IL1RAPL1: variants seen among roughly 807,000 people sequenced by gnomAD.
The protein encoded by IL1RAPL1 is interleukin-1 receptor accessory protein-like 1.
A neutral mutation model predicts 48.4 loss-of-function variants in IL1RAPL1; 3 were observed. The ratio of observed to expected loss-of-function variants is 0.06; its 90% confidence interval spans 0.03 to 0.16. The LOEUF is 0.16. IL1RAPL1 is among the 10% of genes least tolerant of loss of function. The pLI, the probability that IL1RAPL1 is intolerant of heterozygous loss-of-function variation, is 1.00. For missense variants in IL1RAPL1, 349 were observed against 530.6 expected (o/e 0.66, Z 3.36); for synonymous variants, 185 against 187.7 (o/e 0.99, Z 0.12).
rs766927273 is a variant in IL1RAPL1 at position 29,185,022 on chromosome X, A to G, written c.83-97916A>G. ...AAGCCATGATGATTTCTGTTATTCC[A>G]TAGAAGTCTAATAAAGCATTCACAG... is the stretch of plus-strand genomic sequence containing the variant. On this transcript the variant is annotated intron_variant, in intron 2 of 10. Coordinates refer to ENST00000378993, the MANE Select transcript of IL1RAPL1 (RefSeq NM_014271.4). Among the ~76,000 whole-genome samples the G allele has an allele frequency of 3.6e-5, 4 of 112,481 alleles. No individual in the cohort carries two copies. In the South Asian group the frequency reaches 1.5e-3, roughly 41 times the overall value.
At chrX:29,453,679 C>A (rs1020643435) in intron 5 of IL1RAPL1, among the ~76,000 whole-genome samples, 1 of 111,426 alleles carries the variant, frequency 9.0e-6, no homozygotes, top group Non-Finnish European at 1.9e-5. Flanking sequence ...GCCCTACCTT[C>A]GGAGACTCTT....
chrX:29,732,719 T>G (rs1927952027), intron 6 of IL1RAPL1, among the ~76,000 whole-genome samples: 1 of 112,039 alleles, frequency 8.9e-6, no homozygotes, highest in Non-Finnish European at 1.9e-5. Context: ...ATGAATACTT[T>G]TTGGAGAATG....
intron 2 of IL1RAPL1, among the ~76,000 whole-genome samples, chrX:29,037,660 G>A (rs1926759609): frequency 9.0e-6 from 1 of 111,508 alleles, no homozygotes; most frequent in South Asian, 3.8e-4. Flanking sequence ...TGACCCACAA[G>A]GAGGAGGAGT....
intron 2 of IL1RAPL1, among the ~76,000 whole-genome samples, chrX:29,080,940 C>CTTTCTTTCTTTCT (rs1569232644): frequency 9.2e-5 from 3 of 32,529 alleles, no homozygotes; most frequent in East Asian, 1.3e-3. Flanking sequence ...TTCTTTCTTT[C>CTTTCTTTCTTTCT]TTTCTTTCTT....
At chrX:28,821,070 T>TA (rs1936933002) in intron 2 of IL1RAPL1, among the ~76,000 whole-genome samples, 1 of 111,490 alleles carries the variant, frequency 9.0e-6, no homozygotes, top group Middle Eastern at 4.6e-3. Flanking sequence ...AGGTGTTTGG[T>TA]AAAAAATATT....
chrX:28,762,823 C>CACACACACACACAG (rs1268556014), intron 1 of IL1RAPL1, among the ~76,000 whole-genome samples: 48 of 36,768 alleles, frequency 1.3e-3, no homozygotes, highest in Non-Finnish European at 1.6e-3. Flanking sequence ...CACACACACA[C>CACACACACACACAG]AGAGAGAGAG....
In IL1RAPL1 at chrX:29,711,067, T is replaced by TACACACACACACAC. The variant is rs778770426; in HGVS notation, c.778+42564_778+42565insCACACACACACACA. On this transcript the variant is annotated intron_variant, in intron 6 of 10. Transcript: ENST00000378993. Reference sequence around the variant, plus strand: ...TGGTGTGTGTGTGTGTGTGTGTGTGTATACACACACACACACACACACAGA... The same window carrying TACACACACACACAC: ...TGGTGTGTGTGTGTGTGTGTGTGTGTACACACACACACACATACACACACACACACACACACAGA... Among the ~76,000 whole-genome samples, 6 of 8,908 alleles carry TACACACACACACAC rather than the reference T, an allele frequency of 6.7e-4. No homozygotes were observed. In the East Asian group the frequency reaches 0.03, roughly 44 times the overall value. The allele number at this position is 8,908 out of a possible 115,157, so 7.7% of individuals were successfully genotyped here. A position where few individuals can be genotyped will look rare whatever the true frequency, so the allele number is the denominator to read the frequency against.
chrX:29,277,102 T>TG (rs1932131674), intron 2 of IL1RAPL1, among the ~76,000 whole-genome samples: 1 of 112,382 alleles, frequency 8.9e-6, no homozygotes, highest in Non-Finnish European at 1.9e-5. Context: ...AAGTCAAAGA[T>TG]GGACCATATG....
intron 5 of IL1RAPL1, among the ~76,000 whole-genome samples, chrX:29,607,399 T>A (rs1923928483): frequency 1.8e-5 from 2 of 112,122 alleles, no homozygotes; most frequent in Non-Finnish European, 3.8e-5. Flanking sequence ...TATCTTGAAA[T>A]GAATATGTTC....
chrX:28,869,068 T>C (rs1005043008), intron 2 of IL1RAPL1, among the ~76,000 whole-genome samples: 4 of 112,931 alleles, frequency 3.5e-5, no homozygotes, highest in Non-Finnish European at 7.5e-5. Flanking sequence ...AATTTATGCA[T>C]GCTGCATTTA....
chrX:28,630,823 C>T (rs1057363774), intron 1 of IL1RAPL1, among the ~76,000 whole-genome samples: 13 of 111,853 alleles, frequency 1.2e-4, no homozygotes, highest in African/African-American at 4.2e-4. Flanking sequence ...ATGGGTGCCT[C>T]TATGAATTAA....
At position 28,922,622 on chromosome X, in the gene IL1RAPL1, G is replaced by C. The variant is rs759081245; in HGVS notation, c.82+133197G>C. ...AATAAGTAGTTTGGCTAGAAATTGA[G>C]TGTTTCAAGCCATCTTGGCCCTTTG... is the stretch of plus-strand genomic sequence containing the variant. On this transcript the variant is annotated intron_variant, in intron 2 of 10. Coordinates refer to ENST00000378993, the MANE Select transcript of IL1RAPL1 (RefSeq NM_014271.4). Among the ~76,000 whole-genome samples the C allele has an allele frequency of 4.5e-5, 5 of 112,027 alleles. No homozygotes were observed. The East Asian group carries it at 1.4e-3, about 31-fold the overall frequency.
chrX:28,713,755 A>G (rs753320245), intron 1 of IL1RAPL1, among the ~76,000 whole-genome samples: 1 of 112,020 alleles, frequency 8.9e-6, no homozygotes, highest in East Asian at 2.8e-4. Context: ...GACAATTGAC[A>G]TATAAAAGAA....
chrX:29,692,920 T>C (rs1926810733), intron 6 of IL1RAPL1, among the ~76,000 whole-genome samples: 1 of 112,077 alleles, frequency 8.9e-6, no homozygotes, highest in African/African-American at 3.2e-5. Context: ...TTTAGGTCTT[T>C]TGTTTTGCAC....
intron 2 of IL1RAPL1, among the ~76,000 whole-genome samples, chrX:28,941,196 G>C (rs1924155638): frequency 9.0e-6 from 1 of 110,877 alleles, no homozygotes; most frequent in African/African-American, 3.3e-5. Context: ...AAAGCAAAAG[G>C]ATTTATTTTT....
chrX:29,493,936 C>T (rs1935185838), intron 5 of IL1RAPL1, among the ~76,000 whole-genome samples: 1 of 111,341 alleles, frequency 9.0e-6, no homozygotes, highest in African/African-American at 3.3e-5. Context: ...GCTCTGTTGC[C>T]CAGGCTGGAG....
chrX:29,293,526 T>G (rs1409772436), intron 3 of IL1RAPL1, among the ~76,000 whole-genome samples: 1 of 111,701 alleles, frequency 9.0e-6, no homozygotes, highest in Non-Finnish European at 1.9e-5. Flanking sequence ...ATTTGTAAAA[T>G]AATTAGGTGC....
intron 9 of IL1RAPL1, among the ~76,000 whole-genome samples, chrX:29,944,205 CA>C (rs1192329100): frequency 9.0e-6 from 1 of 111,375 alleles, no homozygotes; most frequent in Admixed American, 9.5e-5. Flanking sequence ...AAGCGGGGGG[CA>C]GGGGGAAGCA....
chrX:28,783,899 C>T (rs1165739178), intron 1 of IL1RAPL1, among the ~76,000 whole-genome samples: 1 of 111,531 alleles, frequency 9.0e-6, no homozygotes, highest in Non-Finnish European at 1.9e-5. Flanking sequence ...TATCCCTTTG[C>T]TAAAATTGTT....
Sources: gnomAD v4.1 joint callset for allele counts (sites outside exome capture counted in the v4.1 genomes callset) on GRCh38, gnomAD v4.1.1 for gene constraint, MANE v1.5 for transcripts, NCBI Gene and HGNC (gene_info 2026-07-23, HGNC 2026-07-21) for gene names.